DCC: variants seen among roughly 807,000 people sequenced by gnomAD.
The protein encoded by DCC is netrin receptor DCC.
DCC carries 58 observed loss-of-function variants against 172.5 expected under a neutral mutation model. That is an observed-to-expected ratio of 0.34 (90% CI 0.27 to 0.42). The LOEUF is 0.42. DCC is among the 10% of genes least tolerant of loss of function. The pLI, the probability that DCC is intolerant of heterozygous loss-of-function variation, is 1.00. For synonymous variants in DCC, 709 were observed against 644.5 expected (o/e 1.10, Z -1.52); for missense variants, 1,740 against 1,791.0 (o/e 0.97, Z 0.51).
At chr18:53,261,635 C>G (rs530498503) in intron 12 of DCC, among the ~76,000 whole-genome samples, 147 of 152,186 alleles carry the variant, frequency 9.7e-4, no homozygotes, top group Non-Finnish European at 1.5e-3. Flanking sequence ...CTCAGCCTCT[C>G]CGAGTAGCTG....
chr18:53,208,110 T>TG (rs1252096137), intron 11 of DCC, among the ~76,000 whole-genome samples: 1 of 151,008 alleles, frequency 6.6e-6, no homozygotes, highest in African/African-American at 2.4e-5. Flanking sequence ...TAAATGTTTT[T>TG]TTTTTTTTTT....
At position 52,417,939 on chromosome 18, in the gene DCC, A is replaced by C. The variant is rs556781151; in HGVS notation, c.91+77061A>C. Among the ~76,000 whole-genome samples, 228 of 152,324 alleles carry C rather than the reference A, an allele frequency of 1.5e-3. 2 individuals carry two copies. Among genetic ancestry groups the C allele is most frequent in the African/African-American group, 4.9e-3 (203 of 41,582 alleles). On this transcript the variant is annotated intron_variant, in intron 1 of 28. Transcript: ENST00000442544. ...AGGAACTGCGTTCCTTTGCGAGAAG[A>C]AGCAGCAGGACCATAGCGCAGCTCT...
intron 1 of DCC, among the ~76,000 whole-genome samples, chr18:52,604,802 A>G (rs2034097842): frequency 7.1e-6 from 1 of 141,008 alleles, no homozygotes; most frequent in African/African-American, 2.7e-5. Context: ...ATTACATTTT[A>G]TGCAGATTAT....
At chr18:52,884,670 ATC>A (rs2039543896) in intron 2 of DCC, among the ~76,000 whole-genome samples, 1 of 152,176 alleles carries the variant, frequency 6.6e-6, no homozygotes. Context: ...AAGGTCACAT[ATC>A]TCTGTTTCTG....
At chr18:53,292,873 G>C (rs2057022587) in intron 12 of DCC, among the ~76,000 whole-genome samples, 1 of 152,132 alleles carries the variant, frequency 6.6e-6, no homozygotes, top group African/African-American at 2.4e-5. Context: ...TTATGTCTGT[G>C]AAACCCAATC....
chr18:53,079,801 G>A (rs1029515598), intron 7 of DCC, among the ~76,000 whole-genome samples: 4 of 152,122 alleles, frequency 2.6e-5, no homozygotes, highest in African/African-American at 9.7e-5. Flanking sequence ...GAAATTGCTG[G>A]TAGAAGAAAC....
chr18:53,052,415 C>T (rs999691286), intron 5 of DCC, among the ~76,000 whole-genome samples: 2 of 151,906 alleles, frequency 1.3e-5, no homozygotes, highest in Non-Finnish European at 2.9e-5. Flanking sequence ...TTTTCTTTCA[C>T]TCTTTTGCAT....
At chr18:53,404,036 G>A (rs1031849820) in intron 19 of DCC, among the ~76,000 whole-genome samples, 2 of 152,098 alleles carry the variant, frequency 1.3e-5, no homozygotes, top group Admixed American at 6.5e-5. Context: ...AGTGTGCCAG[G>A]CCTTTTAAAA....
At chr18:53,346,187 C>A (rs993244989) in intron 15 of DCC, among the ~76,000 whole-genome samples, 4 of 151,968 alleles carry the variant, frequency 2.6e-5, no homozygotes, top group African/African-American at 4.8e-5. Context: ...GTAATATATA[C>A]TTTTTTATTT....
At chr18:53,490,163 C>G (rs2045945005) in intron 26 of DCC, among the ~76,000 whole-genome samples, 1 of 152,094 alleles carries the variant, frequency 6.6e-6, no homozygotes, top group Non-Finnish European at 1.5e-5. Flanking sequence ...ATAAATGAAA[C>G]TTGACCTAGA....
intron 1 of DCC, among the ~76,000 whole-genome samples, chr18:52,680,188 A>G (rs2035721253): frequency 1.3e-5 from 2 of 152,124 alleles, no homozygotes; most frequent in South Asian, 4.1e-4. Context: ...ACCTGTGAGG[A>G]AAAAGCTATA....
At chr18:53,211,249 A>G (rs2055747621) in intron 11 of DCC, among the ~76,000 whole-genome samples, 1 of 152,200 alleles carries the variant, frequency 6.6e-6, no homozygotes, top group African/African-American at 2.4e-5. Flanking sequence ...CATCCTCACG[A>G]TACTACTAAA....
intron 5 of DCC, among the ~76,000 whole-genome samples, chr18:53,026,110 G>A (rs1250351930): frequency 1.3e-5 from 2 of 151,858 alleles, no homozygotes; most frequent in African/African-American, 4.8e-5. Context: ...TTTAAAAACT[G>A]AAGTCCTCCC....
intron 7 of DCC, among the ~76,000 whole-genome samples, chr18:53,099,178 C>T (rs2043127877): frequency 1.3e-5 from 2 of 152,074 alleles, no homozygotes; most frequent in Admixed American, 6.6e-5. Context: ...GTTTCAACTC[C>T]TATAGTTCCT....
chr18:53,108,158 T>C (rs1048461152), intron 7 of DCC, among the ~76,000 whole-genome samples: 1 of 121,858 alleles, frequency 8.2e-6, no homozygotes, highest in Non-Finnish European at 1.7e-5. Flanking sequence ...TATGGAAGAA[T>C]GCACGTAAAG....
At chr18:52,904,808 A>G (rs1474147979) in intron 2 of DCC, among the ~76,000 whole-genome samples, 1 of 152,228 alleles carries the variant, frequency 6.6e-6, no homozygotes, top group South Asian at 2.1e-4. Flanking sequence ...TTCTGGAATG[A>G]GTCAAATGAA....
intron 3 of DCC, among the ~76,000 whole-genome samples, chr18:52,908,918 G>GCA (rs149514794): frequency 2.6e-5 from 4 of 151,848 alleles, no homozygotes; most frequent in African/African-American, 9.7e-5. Context: ...ACATGCATGC[G>GCA]CACACACACA....
chr18:53,302,554 AT>A (rs200512668), intron 12 of DCC, among the ~76,000 whole-genome samples: 3 of 151,510 alleles, frequency 2.0e-5, no homozygotes, highest in East Asian at 1.9e-4. Flanking sequence ...TGTTTTAAAT[AT>A]TTTTTTTTCA....
rs746382495 is a variant in DCC at position 53,499,522 on chromosome 18, G to A, written c.4111+12G>A. On this transcript the variant is annotated intron_variant, in intron 27 of 28. Coordinates refer to ENST00000442544, the MANE Select transcript of DCC (RefSeq NM_005215.4). ...TTTGTCTCAGCCAGGTAAAGTACTC[G>A]GTTGTTCACCTTTAAAATTCTTATT... The A allele has an allele frequency of 1.1e-5, 18 of 1,603,722 alleles. No individual in the cohort carries two copies. Among genetic ancestry groups the A allele is most frequent in the African/African-American group, 5.4e-5 (4 of 74,656 alleles).
Sources: allele counts gnomAD v4.1 joint callset (sites outside exome capture counted in the v4.1 genomes callset), GRCh38; gene constraint gnomAD v4.1.1; transcripts MANE v1.5; gene names NCBI Gene and HGNC (gene_info 2026-07-23, HGNC 2026-07-21).